BICC1: variants seen among roughly 807,000 people sequenced by gnomAD.
BICC1 encodes protein bicaudal C homolog 1.
BICC1 carries 43 observed loss-of-function variants against 111.0 expected under a neutral mutation model. That is an observed-to-expected ratio of 0.39 (90% CI 0.30 to 0.50). The LOEUF (loss-of-function observed/expected upper bound fraction) is 0.50, where lower values mean the gene tolerates loss of function less well. BICC1 is among the 20% of genes least tolerant of loss of function. The pLI, the probability that BICC1 is intolerant of heterozygous loss-of-function variation, is 0.88. For missense variants in BICC1, 1,091 were observed against 1,203.2 expected (o/e 0.91, Z 1.38); for synonymous variants, 467 against 434.4 (o/e 1.07, Z -0.93).
rs3076306 is a variant in BICC1 at position 58,769,283 on chromosome 10, A to AAC, written c.308-15694_308-15693dup. 6.4e-3 allele frequency among the ~76,000 whole-genome samples: 936 copies of AAC among 145,462 alleles called. 7 individuals carry two copies. The highest frequency in any genetic ancestry group is 0.021 in the African/African-American group (817 of 39,652). On this transcript the variant is annotated intron_variant, in intron 3 of 20. Coordinates refer to ENST00000373886, the MANE Select transcript of BICC1 (RefSeq NM_001080512.3). ...AACAGGGTAGATTTTAAATGTTCTC[A>AAC]ACACACACACACACACACACACACA...
intron 2 of BICC1, among the ~76,000 whole-genome samples, chr10:58,644,247 C>G (rs929307944): frequency 6.6e-6 from 1 of 152,280 alleles, no homozygotes; most frequent in South Asian, 2.1e-4. Context: ...GAAGAGATCT[C>G]TCAATTCTCA....
At position 58,829,539 on chromosome 10, in the gene BICC1, A is replaced by C. The variant is rs1844499067; in HGVS notation, c.*648A>C. 6.6e-6 allele frequency: 1 copy of C among 152,126 alleles called. No individual in the cohort carries two copies. Among genetic ancestry groups the C allele is most frequent in the East Asian group, 1.9e-4 (1 of 5,184 alleles). 9.4% of individuals were successfully genotyped at this position (152,126 alleles called of 1,614,324 possible). On this transcript the variant is annotated 3_prime_UTR_variant, in exon 21 of 21. Coordinates refer to ENST00000373886, the MANE Select transcript of BICC1 (RefSeq NM_001080512.3). ...GTACTGGATCTTAGTTTCTGTGCAG[A>C]ATATTCTGTGATTTTGGGAAATGTA...
chr10:58,641,288 A>C (rs1183782840), intron 2 of BICC1, among the ~76,000 whole-genome samples: 1 of 152,186 alleles, frequency 6.6e-6, no homozygotes, highest in African/African-American at 2.4e-5. Context: ...TGTGTTGGAC[A>C]GGCTCGGGGT....
intron 1 of BICC1, among the ~76,000 whole-genome samples, chr10:58,529,544 T>C (rs1440523386): frequency 2.6e-5 from 4 of 151,918 alleles, no homozygotes; most frequent in Admixed American, 2.6e-4. Flanking sequence ...TTTGGTAAGA[T>C]TTTATCTTTT....
chr10:58,555,250 A>G (rs754000544), intron 1 of BICC1, among the ~76,000 whole-genome samples: 4 of 150,294 alleles, frequency 2.7e-5, no homozygotes, highest in South Asian at 2.1e-4. Context: ...TGTTGTAACA[A>G]CCTCATAGAT....
At chr10:58,632,431 C>T (rs1427617857) in intron 2 of BICC1, among the ~76,000 whole-genome samples, 1 of 152,100 alleles carries the variant, frequency 6.6e-6, no homozygotes, top group African/African-American at 2.4e-5. Context: ...GAGGGGCATA[C>T]TCCAGAGGAG....
intron 3 of BICC1, among the ~76,000 whole-genome samples, chr10:58,767,977 G>A (rs1842504939): frequency 6.6e-6 from 1 of 152,040 alleles, no homozygotes; most frequent in Non-Finnish European, 1.5e-5. Context: ...AATAATATAT[G>A]CAATATGAGA....
intron 1 of BICC1, among the ~76,000 whole-genome samples, chr10:58,563,597 G>A (rs997639573): frequency 1.7e-4 from 26 of 152,162 alleles, no homozygotes; most frequent in Admixed American, 7.2e-4. Context: ...TCTACTCAAA[G>A]TGCAGTTATC....
At chr10:58,692,252 A>G (rs1839932505) in intron 2 of BICC1, among the ~76,000 whole-genome samples, 1 of 152,146 alleles carries the variant, frequency 6.6e-6, no homozygotes, top group Non-Finnish European at 1.5e-5. Flanking sequence ...GGCACATTTG[A>G]ACTAGGTTTT....
intron 1 of BICC1, among the ~76,000 whole-genome samples, chr10:58,591,688 A>G (rs533765787): frequency 5.9e-5 from 9 of 152,192 alleles, no homozygotes; most frequent in Non-Finnish European, 1.3e-4. Context: ...GAGATTTAGG[A>G]GATGCAGTGA....
At chr10:58,661,715 A>G (rs1838850284) in intron 2 of BICC1, among the ~76,000 whole-genome samples, 1 of 152,216 alleles carries the variant, frequency 6.6e-6, no homozygotes, top group South Asian at 2.1e-4. Flanking sequence ...CATCTCTTGC[A>G]TAGTGGAAAT....
At chr10:58,800,836 A>G in intron 13 of BICC1, 54 bp from the exon 14 acceptor site, 4 of 1,508,004 alleles carry the variant, frequency 2.7e-6, no homozygotes, top group Admixed American at 2.1e-5. Flanking sequence ...ATAATTGTCA[A>G]CTGGAAGGTG....
intron 3 of BICC1, among the ~76,000 whole-genome samples, chr10:58,758,327 AAGGTTGCT>A (rs1842204585): frequency 6.6e-6 from 1 of 152,186 alleles, no homozygotes; most frequent in Non-Finnish European, 1.5e-5. Context: ...TAAGTGCCTA[AAGGTTGCT>A]AGATGATTAC....
chr10:58,710,069 G>C (rs373022946), intron 3 of BICC1, among the ~76,000 whole-genome samples: 1 of 152,186 alleles, frequency 6.6e-6, no homozygotes, highest in Non-Finnish European at 1.5e-5. Flanking sequence ...CTGGGGTCAG[G>C]CACTGTGCTA....
At chr10:58,596,430 T>G (rs1470127223) in intron 1 of BICC1, among the ~76,000 whole-genome samples, 1 of 152,132 alleles carries the variant, frequency 6.6e-6, no homozygotes, top group Non-Finnish European at 1.5e-5. Flanking sequence ...TAAGAGCTAT[T>G]TATGACAAAC....
chr10:58,518,849 A>C (rs1243187452), intron 1 of BICC1, among the ~76,000 whole-genome samples: 1 of 152,160 alleles, frequency 6.6e-6, no homozygotes, highest in African/African-American at 2.4e-5. Flanking sequence ...GAGGGGCAGT[A>C]AAACCTCACG....
At chr10:58,698,770 A>G (rs1840140884) in intron 2 of BICC1, among the ~76,000 whole-genome samples, 1 of 152,186 alleles carries the variant, frequency 6.6e-6, no homozygotes, top group Non-Finnish European at 1.5e-5. Flanking sequence ...GGGTTTTCTT[A>G]AGTTCTCACA....
At chr10:58,602,685 G>A (rs1490813063) in intron 1 of BICC1, among the ~76,000 whole-genome samples, 1 of 152,178 alleles carries the variant, frequency 6.6e-6, no homozygotes, top group Non-Finnish European at 1.5e-5. Context: ...TTTATCAGCA[G>A]CAAATTGCTG....
intron 3 of BICC1, among the ~76,000 whole-genome samples, chr10:58,726,104 C>A (rs1841095431): frequency 6.6e-6 from 1 of 152,178 alleles, no homozygotes; most frequent in African/African-American, 2.4e-5. Context: ...AATTAGACTG[C>A]AAATTCAATC....
Sources: gnomAD v4.1 joint callset for allele counts (sites outside exome capture counted in the v4.1 genomes callset) on GRCh38, gnomAD v4.1.1 for gene constraint, MANE v1.5 for transcripts, NCBI Gene and HGNC (gene_info 2026-07-23, HGNC 2026-07-21) for gene names.